The following P2RY8 variants were observed in gnomAD, a reference collection of about 807,000 sequenced individuals.
The protein encoded by P2RY8 is P2Y receptor family member 8.
P2RY8 carries 6 observed loss-of-function variants against 10.0 expected under a neutral mutation model. The observed-to-expected ratio is 0.60, with a 90% CI of 0.33 to 1.19. The LOEUF (loss-of-function observed/expected upper bound fraction) is 1.19, where lower values mean the gene tolerates loss of function less well. Among genes scored for constraint, P2RY8 ranks in the 50% most tolerant of loss-of-function variants. The pLI, the probability that P2RY8 is intolerant of heterozygous loss-of-function variation, is 0.04. For missense variants in P2RY8, 456 were observed against 542.0 expected, an observed-to-expected ratio of 0.84 and a Z score of 1.58; for synonymous variants, 276 against 252.5, an observed-to-expected ratio of 1.09 and a Z score of -0.88.
At position 1,508,704 on chromosome X, in the gene P2RY8, T is replaced by TTCTATCTA. The variant is rs61715773; in HGVS notation, c.-25+28209_-25+28216dup. Among the ~76,000 whole-genome samples the TTCTATCTA allele has an allele frequency of 1.8e-3, 200 of 112,082 alleles. 3 individuals carry two copies. The highest frequency in any genetic ancestry group is 2.9e-3 in the Admixed American group (35 of 11,912). 73.5% of individuals were successfully genotyped at this position (112,082 alleles called of 152,430 possible). On this transcript the variant is annotated intron_variant, in intron 1 of 1. Coordinates refer to ENST00000381297, the MANE Select transcript of P2RY8 (RefSeq NM_178129.5). ...CATCATCCATCCATCCATCCATCCA[T>TTCTATCTA]TCTATCTATCTATCTATCTATCTAT...
intron 1 of P2RY8, among the ~76,000 whole-genome samples, chrX:1,498,222 T>G (rs369959475): frequency 7.5e-4 from 113 of 151,542 alleles, no homozygotes; most frequent in African/African-American, 2.6e-3. Context: ...CTGGCCAACA[T>G]GCTGAAACCC....
chrX:1,482,160 GGTGTGTGTGTGT>G (rs5901178), intron 1 of P2RY8, among the ~76,000 whole-genome samples: 1 of 146,972 alleles, frequency 6.8e-6, no homozygotes, highest in East Asian at 2.0e-4. Context: ...TTGTGTGTGT[GGTGTGTGTGTGT>G]GTGTGTGTGT....
At chrX:1,472,990 G>T (rs1202149848) in intron 1 of P2RY8, among the ~76,000 whole-genome samples, 1 of 112,728 alleles carries the variant, frequency 8.9e-6, no homozygotes, top group Non-Finnish European at 1.9e-5. Flanking sequence ...ATGGGGGTGG[G>T]TGGGAGGGTG....
At chrX:1,522,571 G>A (rs1206431771) in intron 1 of P2RY8, among the ~76,000 whole-genome samples, 1 of 152,108 alleles carries the variant, frequency 6.6e-6, no homozygotes, top group East Asian at 1.9e-4. Flanking sequence ...GCAGGAGAGT[G>A]GCTTCAGGCC....
intron 1 of P2RY8, among the ~76,000 whole-genome samples, chrX:1,486,639 A>G (rs1184843942): frequency 2.0e-5 from 3 of 152,168 alleles, no homozygotes; most frequent in African/African-American, 7.2e-5. Context: ...GGAAATAGAC[A>G]GAGGCGGCTG....
chrX:1,512,520 C>A (rs778175907), intron 1 of P2RY8, among the ~76,000 whole-genome samples: 2 of 126,388 alleles, frequency 1.6e-5, no homozygotes, highest in Non-Finnish European at 3.2e-5. Flanking sequence ...GCACTCCAGC[C>A]TGGGCAACAG....
chrX:1,502,841 C>G lies in P2RY8; in HGVS notation c.-25+34080G>C, dbSNP rs778475414. Among the ~76,000 whole-genome samples, 5 of 149,144 alleles carry G rather than the reference C, an allele frequency of 3.4e-5. No individual in the cohort carries two copies. The South Asian group carries it at 1.1e-3, about 32-fold the overall frequency. ...GACAGAGCCTGGAATGACGCGGCCA[C>G]AAGCCCAGGGATGCCTGGAGCCCCC... On this transcript the variant is annotated intron_variant, in intron 1 of 1. Coordinates refer to ENST00000381297, the MANE Select transcript of P2RY8 (RefSeq NM_178129.5).
chrX:1,515,626 C>A (rs1255064117), intron 1 of P2RY8, among the ~76,000 whole-genome samples: 6 of 151,850 alleles, frequency 4.0e-5, no homozygotes, highest in African/African-American at 1.4e-4. Flanking sequence ...CCGCCTCGGC[C>A]TCCCAAAGTG....
At chrX:1,502,520 C>T (rs1409627615) in intron 1 of P2RY8, among the ~76,000 whole-genome samples, 3 of 152,178 alleles carry the variant, frequency 2.0e-5, no homozygotes, top group Non-Finnish European at 2.9e-5. Flanking sequence ...CTGGCTGCCA[C>T]GTGAGCCGCC....
intron 1 of P2RY8, among the ~76,000 whole-genome samples, chrX:1,469,233 G>C (rs1488250799): frequency 1.4e-5 from 2 of 146,034 alleles, no homozygotes; most frequent in African/African-American, 5.1e-5. Context: ...GCGTGATCTC[G>C]GCTCACTGCA....
At chrX:1,483,894 T>C (rs1288356739) in intron 1 of P2RY8, among the ~76,000 whole-genome samples, 2 of 151,310 alleles carry the variant, frequency 1.3e-5, no homozygotes, top group East Asian at 3.9e-4. Context: ...AAAGCTGGGC[T>C]CTCCTAAACC....
chrX:1,527,629 CTCAT>C (rs2092447738), intron 1 of P2RY8, among the ~76,000 whole-genome samples: 1 of 151,892 alleles, frequency 6.6e-6, no homozygotes, highest in Non-Finnish European at 1.5e-5. Context: ...CATTCATCTA[CTCAT>C]TCATTCATCC....
intron 1 of P2RY8, among the ~76,000 whole-genome samples, chrX:1,530,247 T>C (rs1299085878): frequency 3.3e-5 from 5 of 151,754 alleles, no homozygotes; most frequent in African/African-American, 1.2e-4. Flanking sequence ...TATCTATCTA[T>C]CTCTATTACC....
Position 1,466,508 on chromosome X carries a change from C to G in P2RY8, c.51G>C (p.Leu17=), listed in dbSNP as rs748637774. The G allele has an allele frequency of 1.9e-5, 31 of 1,610,622 alleles. No individual in the cohort carries two copies. In the South Asian group the frequency reaches 3.1e-4, roughly 16 times the overall value. ...TGPDNATLQM[L]RNPAIAVALP... ...GGGCCACCGCGATCGCCGGGTTCCG[C>G]AGCATCTGCAGCGTCGCGTTGTCCG... The change falls in exon 2 of 2, where the codon CTG becomes CTC. Residue 17 remains leucine (L), a synonymous_variant. Transcript: ENST00000381297.
chrX:1,530,678 C>T (rs2092468403), intron 1 of P2RY8, among the ~76,000 whole-genome samples: 2 of 150,828 alleles, frequency 1.3e-5, no homozygotes, highest in South Asian at 4.3e-4. Flanking sequence ...AATCTATCAT[C>T]TATTTAATCT....
chrX:1,522,353 C>T (rs1296078591), intron 1 of P2RY8, among the ~76,000 whole-genome samples: 11 of 152,136 alleles, frequency 7.2e-5, no homozygotes, highest in African/African-American at 2.4e-4. Flanking sequence ...TTCATGCCTC[C>T]GTGCAGCCAA....
At chrX:1,497,747 C>A (rs1456121069) in intron 1 of P2RY8, among the ~76,000 whole-genome samples, 1 of 152,088 alleles carries the variant, frequency 6.6e-6, no homozygotes, top group African/African-American at 2.4e-5. Context: ...AGGTACCGGA[C>A]TTGCTGAGGT....
At chrX:1,507,157 A>T (rs1426253083) in intron 1 of P2RY8, among the ~76,000 whole-genome samples, 2 of 151,856 alleles carry the variant, frequency 1.3e-5, no homozygotes, top group African/African-American at 4.8e-5. Flanking sequence ...TACTGTTTCC[A>T]AAAGCCTCCC....
intron 1 of P2RY8, among the ~76,000 whole-genome samples, chrX:1,500,611 A>G (rs2092168856): frequency 7.2e-6 from 1 of 139,730 alleles, no homozygotes; most frequent in Admixed American, 7.6e-5. Context: ...CACCCAGCTA[A>G]TTTTTGTATT....
Sources: gnomAD v4.1 joint callset for allele counts (sites outside exome capture counted in the v4.1 genomes callset) on GRCh38, gnomAD v4.1.1 for gene constraint, MANE v1.5 for transcripts, NCBI Gene and HGNC (gene_info 2026-07-23, HGNC 2026-07-21) for gene names.